ANKRD13C: variants seen among roughly 807,000 people sequenced by gnomAD.
The protein encoded by ANKRD13C is ankyrin repeat domain-containing protein 13C.
In ANKRD13C, 16 loss-of-function variants were observed where a neutral mutation model predicts 65.5. The observed-to-expected ratio is 0.24, with a 90% CI of 0.17 to 0.37. The LOEUF is 0.37. Ranked by LOEUF, ANKRD13C falls within the 10% of genes least tolerant of loss-of-function variation. ANKRD13C has a pLI of 1.00. For missense variants in ANKRD13C, 503 were observed against 655.9 expected (o/e 0.77, Z 2.55); for synonymous variants, 235 against 238.7 (o/e 0.98, Z 0.14).
chr1:70,299,737 G>A (rs919405014), intron 7 of ANKRD13C, among the ~76,000 whole-genome samples: 2 of 152,164 alleles, frequency 1.3e-5, no homozygotes, highest in African/African-American at 4.8e-5. Flanking sequence ...TGGAGGAAAA[G>A]TAGCAAGGTT....
chr1:70,299,543 AG>A (rs1258860029), intron 7 of ANKRD13C, among the ~76,000 whole-genome samples: 1 of 152,226 alleles, frequency 6.6e-6, no homozygotes, highest in Non-Finnish European at 1.5e-5. Flanking sequence ...AAATTACAGT[AG>A]TGACAGTGTG....
At position 70,259,762 on chromosome 1, in the gene ANKRD13C, TTTGTAAA is replaced by T. The variant is rs1426724923; in HGVS notation, c.*2948_*2954del. ...ACACCAGTTGCTTTTCTCTAGCATG[TTTGTAAA>T]TATGGGTAATATCAATGAGCAGAAG... On this transcript the variant is annotated 3_prime_UTR_variant, in exon 13 of 13. Transcript: ENST00000370944. 2.0e-5 allele frequency among the ~76,000 whole-genome samples: 3 copies of T among 152,208 alleles called. No homozygotes were observed. The highest frequency in any genetic ancestry group is 7.2e-5 in the African/African-American group (3 of 41,460).
At chr1:70,314,517 G>A (rs1159522986) in intron 4 of ANKRD13C, among the ~76,000 whole-genome samples, 2 of 151,728 alleles carry the variant, frequency 1.3e-5, no homozygotes, top group African/African-American at 2.4e-5. Context: ...GAGTCACCAT[G>A]CCTGGCCGAA....
intron 11 of ANKRD13C, 47 bp downstream of exon 11, chr1:70,274,673 G>T (rs955760198): frequency 2.9e-6 from 4 of 1,370,686 alleles, no homozygotes; most frequent in South Asian, 2.3e-5. Context: ...AGCCTTTAGG[G>T]TTTAATAGTT....
At chr1:70,307,844 G>T (rs1031777551) in intron 5 of ANKRD13C, among the ~76,000 whole-genome samples, 1 of 152,140 alleles carries the variant, frequency 6.6e-6, no homozygotes, top group Non-Finnish European at 1.5e-5. Flanking sequence ...AGCTACCTGG[G>T]AGACTGAAGC....
Position 70,261,685 on chromosome 1 carries a change from T to C in ANKRD13C, c.*1032A>G, listed in dbSNP as rs892266886. The C allele has an allele frequency of 6.6e-6, 1 of 152,572 alleles. No individual in the cohort carries two copies. The highest frequency in any genetic ancestry group is 1.5e-5 in the Non-Finnish European group (1 of 67,970). The allele number at this position is 152,572 out of a possible 1,614,324, so 9.5% of individuals were successfully genotyped here. On this transcript the variant is annotated 3_prime_UTR_variant, in exon 13 of 13. Transcript: ENST00000370944. The stretch of plus-strand genomic sequence containing the variant: ...ACTTTAACTTGTAACAAATATATTC[T>C]GTTAGCATATAAAATGTTTTTATCT...
rs749791853 is a variant in ANKRD13C, at chr1:70,354,022, G to A, written c.387C>T (p.Ser129=). ...CGATATTGTGCGTGCGGATGAGAGA[G>A]GAGAGTCTCCTCACATCCCCCTTGA... is the stretch of plus-strand genomic sequence containing the variant. ...CVFKGDVRRL[S]SLIRTHNIGQ... The change falls in exon 1 of 13, where the codon TCC becomes TCT. Residue 129 remains serine, a synonymous_variant. Transcript: ENST00000370944. 1.3e-6 allele frequency: 2 copies of A among 1,562,464 alleles called. No homozygotes were observed. The highest frequency in any genetic ancestry group is 8.7e-7 in the Non-Finnish European group (1 of 1,153,910).
intron 3 of ANKRD13C, 117 bp from the exon 4 acceptor site, chr1:70,315,683 A>ATGTGTG: frequency 1.5e-6 from 1 of 687,452 alleles, no homozygotes; most frequent in Non-Finnish European, 2.3e-6. Flanking sequence ...ACGTGCATGT[A>ATGTGTG]TGTGTGTATG....
chr1:70,280,542 T>C (rs1217795986), intron 9 of ANKRD13C, among the ~76,000 whole-genome samples: 4 of 152,156 alleles, frequency 2.6e-5, no homozygotes, highest in Non-Finnish European at 5.9e-5. Flanking sequence ...CAGGAAGCAA[T>C]GGACAAATAT....
At chr1:70,345,594 C>A (rs1362027936) in intron 1 of ANKRD13C, among the ~76,000 whole-genome samples, 1 of 152,010 alleles carries the variant, frequency 6.6e-6, no homozygotes. Context: ...ACCGGTTGAC[C>A]AGGTTATGGA....
intron 2 of ANKRD13C, among the ~76,000 whole-genome samples, chr1:70,329,792 T>TA (rs199593115): frequency 9.6e-4 from 142 of 148,066 alleles, no homozygotes; most frequent in African/African-American, 2.9e-3. Flanking sequence ...TCTTATAATT[T>TA]AAAAAAAAAA....
At chr1:70,292,994 C>T (rs1185053457) in intron 8 of ANKRD13C, among the ~76,000 whole-genome samples, 2 of 152,112 alleles carry the variant, frequency 1.3e-5, no homozygotes, top group Non-Finnish European at 2.9e-5. Flanking sequence ...AATAAATAGT[C>T]CATGTCACAC....
At chr1:70,293,221 C>T (rs1168143342) in intron 8 of ANKRD13C, among the ~76,000 whole-genome samples, 3 of 151,950 alleles carry the variant, frequency 2.0e-5, no homozygotes, top group African/African-American at 7.3e-5. Context: ...CCTCTTAAAC[C>T]TTCAACATTA....
intron 8 of ANKRD13C, chr1:70,293,666 C>G: frequency 2.0e-6 from 1 of 495,850 alleles, no homozygotes; most frequent in Non-Finnish European, 2.6e-6. Context: ...TTAAAGCCAA[C>G]AAATGGACTG....
intron 1 of ANKRD13C, among the ~76,000 whole-genome samples, chr1:70,339,350 T>C (rs1159699050): frequency 1.4e-5 from 2 of 139,390 alleles, no homozygotes; most frequent in African/African-American, 5.3e-5. Context: ...AGAGTCTCCC[T>C]CTTGTCACCC....
intron 1 of ANKRD13C, among the ~76,000 whole-genome samples, chr1:70,352,339 CAAAA>C (rs397965041): frequency 6.6e-5 from 4 of 60,796 alleles, no homozygotes; most frequent in Non-Finnish European, 9.2e-5. Flanking sequence ...GACTCCGTCT[CAAAA>C]AAAAAAAAAA....
rs1241113837 is a variant in ANKRD13C, at chr1:70,300,905, A to C, written c.780T>G (p.Leu260=). The C allele has an allele frequency of 3.4e-5, 54 of 1,606,996 alleles. No individual in the cohort carries two copies. The highest frequency in any genetic ancestry group is 4.5e-5 in the Non-Finnish European group (53 of 1,178,284). Residue 260 remains leucine (L), a synonymous_variant, in exon 7 of 13, where the codon CTT becomes CTG. Transcript: ENST00000370944. ...KIYKQGINIR[L]DTTLIDFTDM... ...CAGTAAAGTCTATGAGAGTTGTGTC[A>C]AGCCTGTGAAACATGGGTAGATGAT...
chr1:70,311,432 G>A (rs777003432), intron 5 of ANKRD13C, among the ~76,000 whole-genome samples: 3 of 152,078 alleles, frequency 2.0e-5, no homozygotes, highest in Non-Finnish European at 2.9e-5. Context: ...CTGAGATCGC[G>A]TGACTGCATT....
At chr1:70,330,342 G>A (rs2101566162) in intron 2 of ANKRD13C, among the ~76,000 whole-genome samples, 1 of 152,216 alleles carries the variant, frequency 6.6e-6, no homozygotes, top group African/African-American at 2.4e-5. Flanking sequence ...TGGATCACCT[G>A]AGGTACGGGG....
Sources: allele counts gnomAD v4.1 joint callset (sites outside exome capture counted in the v4.1 genomes callset), GRCh38; gene constraint gnomAD v4.1.1; transcripts MANE v1.5; gene names NCBI Gene and HGNC (gene_info 2026-07-23, HGNC 2026-07-21).